Variants in CCDC88C observed in about 807,000 individuals in gnomAD.
CCDC88C encodes protein Daple.
In CCDC88C, 131 loss-of-function variants were observed where a neutral mutation model predicts 198.8. The ratio of observed to expected loss-of-function variants is 0.66; its 90% CI spans 0.57 to 0.76. The LOEUF is 0.76. Among genes scored for constraint, CCDC88C ranks in the 30% least tolerant of loss-of-function variants. CCDC88C has a pLI of 0.00. For synonymous variants in CCDC88C, 1,166 were observed against 1,114.7 expected (o/e 1.05, Z -0.92); for missense variants, 2,553 against 2,631.6 (o/e 0.97, Z 0.65).
rs373089520 is a variant in CCDC88C, at chr14:91,416,821, C to T, written c.78G>A (p.Pro26=). ...GGTTGTCCTGGCTGCCGCTTCCAAA[C>T]GGGCCAAAAGTTTTCACCTGCGGGG... ...PLVTWVKTFG[P]FGSGSQDNLT... is the part of the protein sequence containing the mutation. Residue 26 remains proline (P), a synonymous_variant, in exon 2 of 30, where the codon CCG becomes CCA. Coordinates refer to ENST00000389857, the MANE Select transcript of CCDC88C (RefSeq NM_001080414.4). 5 of 1,613,222 alleles carry T rather than the reference C, an allele frequency of 3.1e-6. No individual in the cohort carries two copies. Among genetic ancestry groups the T allele is most frequent in the African/African-American group, 1.3e-5 (1 of 75,028 alleles).
In CCDC88C at chr14:91,305,928, TAGA is replaced by T. The variant is rs1217568840; in HGVS notation, c.3196-5_3196-3del. Reference sequence around the variant, plus strand: ...CTTCTCAGCCTGCAGAGCTGCATTCTAGAAGATCGGGAGGCATGAGCGAATCAA... The same window carrying T: ...CTTCTCAGCCTGCAGAGCTGCATTCTAGATCGGGAGGCATGAGCGAATCAA... On this transcript the variant is annotated splice_polypyrimidine_tract_variant and splice_region_variant and intron_variant, in intron 18 of 29. Coordinates refer to ENST00000389857, the MANE Select transcript of CCDC88C (RefSeq NM_001080414.4). The T allele has an allele frequency of 1.2e-6, 2 of 1,612,514 alleles. No individual in the cohort carries two copies. The highest frequency in any genetic ancestry group is 1.3e-5 in the African/African-American group (1 of 75,034).
At chr14:91,343,471 C>A (rs111554584) in intron 5 of CCDC88C, 128 bp downstream of exon 5, 29 of 1,450,824 alleles carry the variant, frequency 2.0e-5, no homozygotes, top group East Asian at 5.0e-5. Context: ...AGGAACCCAG[C>A]GGCCTTCTGT....
chr14:91,387,913 C>T (rs1027874678), intron 3 of CCDC88C, among the ~76,000 whole-genome samples: 29 of 152,208 alleles, frequency 1.9e-4, no homozygotes, highest in Admixed American at 2.0e-4. Flanking sequence ...CCTCAGACAA[C>T]GGCTTTTAAA....
At position 91,301,641 on chromosome 14, in the gene CCDC88C, C is replaced by T. The variant is rs77090774; in HGVS notation, c.3636-1571G>A. On this transcript the variant is annotated intron_variant, in intron 20 of 29. Coordinates refer to ENST00000389857, the MANE Select transcript of CCDC88C (RefSeq NM_001080414.4). The stretch of plus-strand genomic sequence containing the variant: ...CTGAAGTAGGAGGATTGCTTGAAGC[C>T]GGGAGGTGGAGGCTGCTGTGAGCCA... 8.5e-5 allele frequency among the ~76,000 whole-genome samples: 13 copies of T among 152,232 alleles called. No homozygotes were observed. The East Asian group carries it at 2.5e-3, about 29-fold the overall frequency.
At chr14:91,336,248 G>T (rs1893035668) in intron 10 of CCDC88C, among the ~76,000 whole-genome samples, 4 of 152,194 alleles carry the variant, frequency 2.6e-5, no homozygotes, top group Admixed American at 2.6e-4. Flanking sequence ...TAGATCCTCT[G>T]CTCCTGGTGC....
At chr14:91,281,653 G>A (rs957824680) in intron 26 of CCDC88C, 128 bp from the exon 27 acceptor site, 1 of 774,466 alleles carries the variant, frequency 1.3e-6, no homozygotes, top group African/African-American at 1.7e-5. Context: ...ATGGCATGCA[G>A]ATGCTGCCTT....
chr14:91,285,618 T>C, intron 25 of CCDC88C: 2 of 1,248,098 alleles, frequency 1.6e-6, no homozygotes, highest in Non-Finnish European at 2.1e-6. Context: ...TTTGTTTGAA[T>C]TTCGGAAATG....
Position 91,279,228 on chromosome 14 carries a change from C to A in CCDC88C, c.4768+10G>T. The A allele has an allele frequency of 1.3e-6, 2 of 1,583,288 alleles. No homozygotes were observed. Among genetic ancestry groups the A allele is most frequent in the African/African-American group, 2.7e-5 (2 of 74,600 alleles). On this transcript the variant is annotated intron_variant, in intron 28 of 29. Coordinates refer to ENST00000389857, the MANE Select transcript of CCDC88C (RefSeq NM_001080414.4). The stretch of plus-strand genomic sequence containing the variant: ...CAATTTTTAAAAGTACACAGAAGCA[C>A]AAGACTTACCTTTTAGGTTAAGAGG...
At chr14:91,333,065 A>C (rs1170578153) in intron 10 of CCDC88C, among the ~76,000 whole-genome samples, 1 of 152,216 alleles carries the variant, frequency 6.6e-6, no homozygotes, top group African/African-American at 2.4e-5. Context: ...CTTGGGAGGA[A>C]TCCAAGAAGT....
At chr14:91,389,267 C>T (rs1885337113) in intron 3 of CCDC88C, among the ~76,000 whole-genome samples, 1 of 152,116 alleles carries the variant, frequency 6.6e-6, no homozygotes, top group African/African-American at 2.4e-5. Flanking sequence ...CGAGTCCAAA[C>T]GTTAAGAGAA....
intron 4 of CCDC88C, among the ~76,000 whole-genome samples, chr14:91,344,842 G>C (rs1596093806): frequency 1.3e-5 from 2 of 151,048 alleles, no homozygotes; most frequent in Non-Finnish European, 1.5e-5. Context: ...TATTGCCCAG[G>C]TTGGGGTATA....
chr14:91,315,486 C>T (rs1892052414), intron 14 of CCDC88C, among the ~76,000 whole-genome samples, 164 bp downstream of exon 14: 1 of 152,196 alleles, frequency 6.6e-6, no homozygotes, highest in Non-Finnish European at 1.5e-5. Flanking sequence ...CCACCTTTTC[C>T]CACCGCCAGT....
At chr14:91,297,557 AC>A in intron 21 of CCDC88C, 66 bp from the exon 22 acceptor site, 1 of 1,486,680 alleles carries the variant, frequency 6.7e-7, no homozygotes, top group Non-Finnish European at 9.1e-7. Context: ...CGGCCCAGAG[AC>A]CTGGGCTATG....
chr14:91,359,937 TACAAGAGA>T (rs1894230700), intron 3 of CCDC88C, among the ~76,000 whole-genome samples: 1 of 152,060 alleles, frequency 6.6e-6, no homozygotes, highest in African/African-American at 2.4e-5. Context: ...AAAGTATGCC[TACAAGAGA>T]TTTAATGGGG....
At chr14:91,382,537 T>G (rs763558010) in intron 3 of CCDC88C, among the ~76,000 whole-genome samples, 7 of 152,194 alleles carry the variant, frequency 4.6e-5, no homozygotes, top group Non-Finnish European at 8.8e-5. Flanking sequence ...GTGTTTCCCT[T>G]TGTTCTACAG....
At position 91,309,863 on chromosome 14, in the gene CCDC88C, C is replaced by G; in HGVS notation, c.2860G>C (p.Asp954His). ...LLLQEDDSGS[D>H]TKYKILEGRN... The stretch of plus-strand genomic sequence containing the variant: ...AGAGGGAGAAGAGGCCCTCACGTGT[C>G]ACTGCCGCTGTCGTCCTCCTGCAAC... The change falls in exon 16 of 30, where the codon GAC becomes CAC. Residue 954 changes from aspartate (D) to histidine (H), a missense_variant. Around this residue, in one of 2 missense-constraint regions of CCDC88C, gnomAD observed 1,260 missense variants for 1,412.0 expected, o/e 0.89. Transcript: ENST00000389857. 6.2e-7 allele frequency: 1 copy of G among 1,609,968 alleles called. No individual in the cohort carries two copies. Among genetic ancestry groups the G allele is most frequent in the Non-Finnish European group, 8.5e-7 (1 of 1,176,902 alleles).
intron 25 of CCDC88C, among the ~76,000 whole-genome samples, chr14:91,287,033 C>T (rs1890437348): frequency 6.6e-6 from 1 of 152,194 alleles, no homozygotes; most frequent in Non-Finnish European, 1.5e-5. Context: ...GTTTACAGAC[C>T]TGCTTGCTCA....
chr14:91,376,254 G>C (rs953672918), intron 3 of CCDC88C, among the ~76,000 whole-genome samples: 11 of 152,206 alleles, frequency 7.2e-5, no homozygotes, highest in Non-Finnish European at 1.6e-4. Context: ...ATGCATGTCT[G>C]GCTGGTGGTG....
rs551793070 is a variant in CCDC88C, at chr14:91,273,516, G to A, written c.5196C>T (p.Thr1732=). Residue 1732 remains threonine, a synonymous_variant, in exon 30 of 30, where the codon ACC becomes ACT. Transcript: ENST00000389857. This position sits in a 1 kb window ranked among gnomAD's most constrained non-coding sequence, Gnocchi z 5.6. Reference sequence around the variant, plus strand: ...CCGAGGTGGGGGCGGCCATTTTGACGGTGGGGGCCACAAAGTTGGTGGGCA... The same window carrying A: ...CCGAGGTGGGGGCGGCCATTTTGACAGTGGGGGCCACAAAGTTGGTGGGCA... ...AKMPTNFVAP[T]VKMAAPTSEG... is the part of the protein sequence containing the mutation. 4.0e-5 allele frequency: 62 copies of A among 1,538,614 alleles called. No individual in the cohort carries two copies. Among genetic ancestry groups the A allele is most frequent in the Non-Finnish European group, 4.9e-5 (56 of 1,142,544 alleles).
Sources: gnomAD v4.1 joint callset for allele counts (sites outside exome capture counted in the v4.1 genomes callset) on GRCh38, gnomAD v4.1.1 for gene constraint, gnomAD v4.1.1 regional missense constraint, Gnocchi (gnomAD v3.1) non-coding constraint, MANE v1.5 for transcripts, NCBI Gene and HGNC (gene_info 2026-07-23, HGNC 2026-07-21) for gene names.